The following GRIK1 variants were observed in gnomAD, a reference collection of about 807,000 sequenced individuals.
GRIK1 encodes glutamate receptor ionotropic, kainate 1.
In GRIK1, 69 loss-of-function variants were observed where a neutral mutation model predicts 105.7. That is an observed-to-expected ratio of 0.65 (90% CI 0.54 to 0.80). The LOEUF is 0.80. Ranked by LOEUF, GRIK1 falls within the 30% of genes least tolerant of loss-of-function variation. GRIK1 has a pLI of 0.00. For missense variants in GRIK1, 1,109 were observed against 1,167.3 expected, an observed-to-expected ratio of 0.95 and a Z score of 0.73; for synonymous variants, 438 against 431.3, an observed-to-expected ratio of 1.02 and a Z score of -0.19.
At chr21:29,686,529 T>A (rs749332183) in intron 3 of GRIK1, among the ~76,000 whole-genome samples, 1 of 152,264 alleles carries the variant, frequency 6.6e-6, no homozygotes. Context: ...AGTTGTCTTA[T>A]CTTTTAAGGC....
At chr21:29,863,848 T>C (rs534298223) in intron 1 of GRIK1, among the ~76,000 whole-genome samples, 1 of 152,232 alleles carries the variant, frequency 6.6e-6, no homozygotes, top group African/African-American at 2.4e-5. Flanking sequence ...CACACATTCT[T>C]CCCCTTCAGT....
chr21:29,824,011 A>T (rs2067376841), intron 1 of GRIK1, among the ~76,000 whole-genome samples: 1 of 152,006 alleles, frequency 6.6e-6, no homozygotes, highest in Admixed American at 6.6e-5. Flanking sequence ...TGTGGAGAAC[A>T]GATATAATGG....
chr21:29,559,241 A>C (rs1322861237), intron 15 of GRIK1, among the ~76,000 whole-genome samples: 1 of 152,204 alleles, frequency 6.6e-6, no homozygotes, highest in African/African-American at 2.4e-5. Flanking sequence ...GTTTAACTAA[A>C]ATCAGCAGTG....
At chr21:29,639,732 C>A (rs1194314477) in intron 7 of GRIK1, among the ~76,000 whole-genome samples, 1 of 152,198 alleles carries the variant, frequency 6.6e-6, no homozygotes, top group Non-Finnish European at 1.5e-5. Context: ...GCCACCTCTT[C>A]TACTTTTCAA....
intron 1 of GRIK1, among the ~76,000 whole-genome samples, chr21:29,809,114 T>A (rs1482986192): frequency 6.6e-6 from 1 of 152,106 alleles, no homozygotes; most frequent in Non-Finnish European, 1.5e-5. Flanking sequence ...TCATGAAAAG[T>A]GGGAAGAAGC....
At chr21:29,566,983 C>A (rs16984363) in intron 14 of GRIK1, among the ~76,000 whole-genome samples, 1 of 152,050 alleles carries the variant, frequency 6.6e-6, no homozygotes, top group Non-Finnish European at 1.5e-5. Flanking sequence ...AAGAAATAAT[C>A]GAAACAAGTA....
chr21:29,544,364 T>G (rs1323075864), intron 16 of GRIK1, among the ~76,000 whole-genome samples: 1 of 152,188 alleles, frequency 6.6e-6, no homozygotes, highest in Admixed American at 6.5e-5. Context: ...CAGTGCACAT[T>G]CCTGACAAGT....
chr21:29,916,609 A>T (rs2071009103), intron 1 of GRIK1, among the ~76,000 whole-genome samples: 1 of 150,318 alleles, frequency 6.7e-6, no homozygotes. Context: ...ATTTAATAAA[A>T]ACAGTGCAAT....
rs1055277383 is a variant in GRIK1, at chr21:29,584,240, A to G, written c.1794-2697T>C. Reference sequence around the variant, plus strand: ...TTCATCTTTCAAGGGAGAATGCTCTATTGAACTTGTAATATAATGGTGGGG... The same window carrying G: ...TTCATCTTTCAAGGGAGAATGCTCTGTTGAACTTGTAATATAATGGTGGGG... On this transcript the variant is annotated intron_variant, in intron 12 of 17. Coordinates refer to ENST00000327783, the MANE Select transcript of GRIK1 (RefSeq NM_001330994.2). Among the ~76,000 whole-genome samples the G allele has an allele frequency of 8.5e-5, 13 of 152,316 alleles. 2 individuals carry two copies. The South Asian group carries it at 2.7e-3, about 32-fold the overall frequency.
At chr21:29,543,259 G>A (rs765577883) in intron 16 of GRIK1, among the ~76,000 whole-genome samples, 82 of 152,086 alleles carry the variant, frequency 5.4e-4, no homozygotes, top group Non-Finnish European at 1.1e-3. Context: ...GATGGTTTGA[G>A]GATACAGTCA....
At chr21:29,862,267 C>T (rs1196383203) in intron 1 of GRIK1, among the ~76,000 whole-genome samples, 1 of 152,184 alleles carries the variant, frequency 6.6e-6, no homozygotes, top group Non-Finnish European at 1.5e-5. Flanking sequence ...GTATTACAGG[C>T]ATGAATCATC....
At chr21:29,627,485 C>G (rs1422758542) in intron 7 of GRIK1, among the ~76,000 whole-genome samples, 1 of 152,148 alleles carries the variant, frequency 6.6e-6, no homozygotes, top group Non-Finnish European at 1.5e-5. Context: ...GAAAGAGATT[C>G]CCGTGCCCCA....
intron 9 of GRIK1, among the ~76,000 whole-genome samples, chr21:29,592,562 G>T (rs1456215116): frequency 6.6e-6 from 1 of 152,180 alleles, no homozygotes; most frequent in Non-Finnish European, 1.5e-5. Context: ...TGGCTTGCAA[G>T]TATGTTTTAG....
chr21:29,668,628 A>G (rs888327343), intron 4 of GRIK1, among the ~76,000 whole-genome samples: 3 of 152,212 alleles, frequency 2.0e-5, no homozygotes, highest in Non-Finnish European at 2.9e-5. Context: ...CAAAAGAGGA[A>G]TAATGCCAAT....
chr21:29,665,848 T>TTCA (rs1568950618), intron 4 of GRIK1, among the ~76,000 whole-genome samples: 4 of 152,258 alleles, frequency 2.6e-5, no homozygotes, highest in African/African-American at 9.6e-5. Context: ...GTGTGTGACC[T>TTCA]GAAGCCTCAT....
intron 1 of GRIK1, among the ~76,000 whole-genome samples, chr21:29,847,732 C>G (rs562164335): frequency 6.6e-6 from 1 of 152,340 alleles, no homozygotes; most frequent in East Asian, 1.9e-4. Context: ...AAACAATTAT[C>G]ATTGCATTCT....
At chr21:29,783,845 G>A (rs2066188581) in intron 1 of GRIK1, among the ~76,000 whole-genome samples, 1 of 152,156 alleles carries the variant, frequency 6.6e-6, no homozygotes, top group South Asian at 2.1e-4. Flanking sequence ...ATTCTAAAGA[G>A]TCCAAAGGAT....
At chr21:29,693,483 C>A (rs964519738) in intron 2 of GRIK1, among the ~76,000 whole-genome samples, 1 of 152,116 alleles carries the variant, frequency 6.6e-6, no homozygotes, top group African/African-American at 2.4e-5. Context: ...AGTTTACAAC[C>A]TGTTAAAATT....
intron 3 of GRIK1, 42 bp from the exon 4 acceptor site, chr21:29,673,206 C>T (rs376998045): frequency 8.1e-6 from 11 of 1,353,968 alleles, no homozygotes; most frequent in African/African-American, 1.4e-5. Flanking sequence ...ACTGTTCTGT[C>T]GACAGAGTAT....
Sources: allele counts gnomAD v4.1 joint callset (sites outside exome capture counted in the v4.1 genomes callset), GRCh38; gene constraint gnomAD v4.1.1; transcripts MANE v1.5; gene names NCBI Gene and HGNC (gene_info 2026-07-23, HGNC 2026-07-21).